The following RSPO2 variants were observed in gnomAD, a reference collection of about 807,000 sequenced individuals.
RSPO2 encodes R-spondin-2.
Under a neutral mutation model 30.9 loss-of-function variants are expected in RSPO2, and 14 were observed. The ratio of observed to expected loss-of-function variants is 0.45; its 90% CI spans 0.30 to 0.71. The LOEUF (loss-of-function observed/expected upper bound fraction) is 0.71. Ranked by LOEUF, RSPO2 falls within the 30% of genes least tolerant of loss-of-function variation. The pLI is 0.08. For synonymous variants in RSPO2, 107 were observed against 96.4 expected, an observed-to-expected ratio of 1.11 and a Z score of -0.64; for missense variants, 264 against 301.9, an observed-to-expected ratio of 0.87 and a Z score of 0.93.
chr8:108,028,725 T>C (rs1335734202), intron 2 of RSPO2, among the ~76,000 whole-genome samples: 3 of 152,228 alleles, frequency 2.0e-5, no homozygotes, highest in Non-Finnish European at 4.4e-5. Flanking sequence ...TGTTGTAGTA[T>C]GTTCTCTATT....
At position 107,900,469 on chromosome 8, in the gene RSPO2, T is replaced by C. The variant is rs1015846339; in HGVS notation, c.*606A>G. 3.3e-5 allele frequency: 5 copies of C among 152,612 alleles called. No individual in the cohort carries two copies. The highest frequency in any genetic ancestry group is 1.2e-4 in the African/African-American group (5 of 41,456). The allele number at this position is 152,612 out of a possible 1,614,324, so 9.5% of individuals were successfully genotyped here. ...ATCATATTAATCAGGTATGACTTGT[T>C]ACCCACAAGAAAGCATAAATATACA... On this transcript the variant is annotated 3_prime_UTR_variant, in exon 6 of 6. Coordinates refer to ENST00000276659, the MANE Select transcript of RSPO2 (RefSeq NM_178565.5).
At chr8:107,932,298 T>C (rs1366082676) in intron 5 of RSPO2, among the ~76,000 whole-genome samples, 1 of 152,026 alleles carries the variant, frequency 6.6e-6, no homozygotes, top group Non-Finnish European at 1.5e-5. Context: ...CAAATGTATA[T>C]GGGAAATAAG....
intron 2 of RSPO2, among the ~76,000 whole-genome samples, chr8:108,030,119 G>GAAAAAA (rs11434221): frequency 9.9e-5 from 7 of 70,980 alleles, no homozygotes; most frequent in Admixed American, 1.8e-4. Flanking sequence ...GGATAGATAG[G>GAAAAAA]AAAAAAAAAA....
intron 2 of RSPO2, among the ~76,000 whole-genome samples, chr8:107,999,681 T>C (rs1033976317): frequency 1.3e-5 from 2 of 152,126 alleles, no homozygotes; most frequent in African/African-American, 2.4e-5. Flanking sequence ...GTGATCCGCC[T>C]GCCTCAGCCT....
intron 3 of RSPO2, among the ~76,000 whole-genome samples, chr8:107,981,725 C>T (rs1161685492): frequency 6.6e-6 from 1 of 151,986 alleles, no homozygotes; most frequent in Non-Finnish European, 1.5e-5. Context: ...CAAAATGTAG[C>T]AGCTCACACC....
At position 107,958,071 on chromosome 8, in the gene RSPO2, C is replaced by T. The variant is rs1463025371; in HGVS notation, c.616+9G>A. 6.2e-7 allele frequency: 1 copy of T among 1,605,032 alleles called. No homozygotes were observed. Among genetic ancestry groups the T allele is most frequent in the East Asian group, 2.2e-5 (1 of 44,806 alleles). On this transcript the variant is annotated intron_variant, in intron 5 of 5. Transcript: ENST00000276659. The stretch of plus-strand genomic sequence containing the variant: ...CACAGCACACAGTAGTGATTATATC[C>T]ACACCTACCTCCTGGACAATGCCTC...
rs552594163 is a variant in RSPO2, at chr8:108,016,472, A to G, written c.95-27228T>C. On this transcript the variant is annotated intron_variant, in intron 2 of 5. Coordinates refer to ENST00000276659, the MANE Select transcript of RSPO2 (RefSeq NM_178565.5). ...ATAAAATAAGATAGCTAATATATTC[A>G]AACATACTAGGAAGGGATTTAGCAA... 3.0e-4 allele frequency among the ~76,000 whole-genome samples: 45 copies of G among 152,346 alleles called. 1 individual carries two copies. The highest frequency in any genetic ancestry group is 1.1e-3 in the African/African-American group (44 of 41,590).
intron 2 of RSPO2, among the ~76,000 whole-genome samples, chr8:108,032,634 T>C (rs1811459448): frequency 6.6e-6 from 1 of 152,068 alleles, no homozygotes; most frequent in Non-Finnish European, 1.5e-5. Context: ...TTGTTTTTTC[T>C]TTTTCCTTTT....
chr8:107,953,802 T>A (rs539978118), intron 5 of RSPO2, among the ~76,000 whole-genome samples: 2 of 152,204 alleles, frequency 1.3e-5, no homozygotes, highest in African/African-American at 4.8e-5. Flanking sequence ...CCAAAAAAAA[T>A]TTCCCTTAAA....
intron 2 of RSPO2, among the ~76,000 whole-genome samples, chr8:107,993,902 T>C (rs974957292): frequency 6.6e-6 from 1 of 152,152 alleles, no homozygotes; most frequent in South Asian, 2.1e-4. Context: ...GTCTCTTACA[T>C]TGACACTCTA....
At chr8:108,082,833 G>A (rs1813252402) in intron 1 of RSPO2, 26 bp from the exon 2 acceptor site, 5 of 561,434 alleles carry the variant, frequency 8.9e-6, no homozygotes, top group East Asian at 5.9e-5. Flanking sequence ...CGAAAACAGG[G>A]TGTGTGGGGG....
intron 2 of RSPO2, among the ~76,000 whole-genome samples, chr8:108,070,325 G>A (rs912191589): frequency 1.3e-4 from 16 of 122,288 alleles, no homozygotes; most frequent in East Asian, 2.5e-4. Context: ...TCGCTCTGTC[G>A]CCCAGGCCGG....
intron 5 of RSPO2, among the ~76,000 whole-genome samples, chr8:107,942,785 A>G (rs61022494): frequency 0.034 from 5,196 of 152,288 alleles, 284 homozygotes; most frequent in African/African-American, 0.12. Flanking sequence ...ATGCTAAAAC[A>G]TAAAAAAAAG....
intron 2 of RSPO2, among the ~76,000 whole-genome samples, chr8:108,016,319 A>G (rs1181402746): frequency 6.6e-6 from 1 of 152,234 alleles, no homozygotes; most frequent in Non-Finnish European, 1.5e-5. Context: ...CACAAGTTAG[A>G]GGCAGAAGGA....
At chr8:108,035,445 GT>G (rs150646928) in intron 2 of RSPO2, among the ~76,000 whole-genome samples, 5 of 151,288 alleles carry the variant, frequency 3.3e-5, no homozygotes, top group Admixed American at 1.3e-4. Flanking sequence ...TTTTTGTTTT[GT>G]TTTTTTGTTT....
intron 5 of RSPO2, among the ~76,000 whole-genome samples, chr8:107,930,255 A>G (rs1812511831): frequency 6.6e-6 from 1 of 152,246 alleles, no homozygotes; most frequent in Non-Finnish European, 1.5e-5. Context: ...AGAGGTACTA[A>G]GTAAAGAAGC....
At chr8:107,983,997 A>T in intron 3 of RSPO2, 1 of 724,552 alleles carries the variant, frequency 1.4e-6, no homozygotes, top group African/African-American at 1.8e-5. Flanking sequence ...AAAGGGGAAA[A>T]GAGGAAATAA....
At chr8:108,064,489 T>G (rs113334133) in intron 2 of RSPO2, among the ~76,000 whole-genome samples, 26 of 152,146 alleles carry the variant, frequency 1.7e-4, no homozygotes, top group Middle Eastern at 3.4e-3. Flanking sequence ...TCTCACACCA[T>G]TTAGAATGGC....
intron 5 of RSPO2, among the ~76,000 whole-genome samples, chr8:107,906,540 C>T (rs1184221041): frequency 1.3e-5 from 2 of 151,818 alleles, no homozygotes; most frequent in Admixed American, 1.3e-4. Context: ...TGATAGTAAG[C>T]AGATTCTTTT....
Sources: gnomAD v4.1 joint callset for allele counts (sites outside exome capture counted in the v4.1 genomes callset) on GRCh38, gnomAD v4.1.1 for gene constraint, MANE v1.5 for transcripts, NCBI Gene and HGNC (gene_info 2026-07-23, HGNC 2026-07-21) for gene names.